RAPGEF1: variants seen among roughly 807,000 people sequenced by gnomAD.
RAPGEF1 encodes CRK SH3-binding GNRP.
RAPGEF1 carries 33 observed loss-of-function variants against 143.3 expected under a neutral mutation model. The ratio of observed to expected loss-of-function variants is 0.23; its 90% CI spans 0.17 to 0.31. The LOEUF is 0.31. RAPGEF1 is among the 10% of genes least tolerant of loss of function. The pLI, the probability that RAPGEF1 is intolerant of heterozygous loss-of-function variation, is 1.00. For synonymous variants in RAPGEF1, 629 were observed against 676.5 expected (o/e 0.93, Z 1.09); for missense variants, 1,199 against 1,645.4 (o/e 0.73, Z 4.69).
At chr9:131,611,776 G>A (rs1274237354) in intron 12 of RAPGEF1, among the ~76,000 whole-genome samples, 5 of 152,112 alleles carry the variant, frequency 3.3e-5, no homozygotes, top group Non-Finnish European at 5.9e-5. Flanking sequence ...GAACATGAAG[G>A]AGAAATACAC....
At chr9:131,631,783 A>G (rs73660028) in intron 5 of RAPGEF1, among the ~76,000 whole-genome samples, 7,539 of 152,324 alleles carry the variant, frequency 0.049, 539 homozygotes, top group African/African-American at 0.16. Context: ...AAAAAACTAG[A>G]AGGTGAACAC....
At chr9:131,625,817 A>C in intron 10 of RAPGEF1, 105 bp downstream of exon 10, 1 of 1,431,688 alleles carries the variant, frequency 7.0e-7, no homozygotes, top group Non-Finnish European at 9.4e-7. Context: ...TCTTTTATGA[A>C]ATAATGAGGC....
At chr9:131,625,683 T>C (rs912855214) in intron 10 of RAPGEF1, among the ~76,000 whole-genome samples, 1 of 152,202 alleles carries the variant, frequency 6.6e-6, no homozygotes, top group Admixed American at 6.5e-5. Flanking sequence ...TCAGGCTACA[T>C]GGAGACCGGA....
At chr9:131,598,800 G>A (rs538213740) in intron 15 of RAPGEF1, among the ~76,000 whole-genome samples, 19 of 151,464 alleles carry the variant, frequency 1.3e-4, no homozygotes, top group African/African-American at 4.4e-4. Context: ...GGGTTCAGTC[G>A]AGCAGGAGAC....
At chr9:131,610,059 A>C (rs563151333) in intron 12 of RAPGEF1, among the ~76,000 whole-genome samples, 4 of 152,200 alleles carry the variant, frequency 2.6e-5, no homozygotes, top group Admixed American at 6.5e-5. Context: ...GCCAGGTACA[A>C]CTGATTTTTT....
intron 1 of RAPGEF1, among the ~76,000 whole-genome samples, chr9:131,695,560 G>A (rs1052535438): frequency 2.6e-5 from 4 of 152,226 alleles, no homozygotes; most frequent in African/African-American, 7.2e-5. Context: ...CATCAGGAGC[G>A]AGTTGGATCA....
At chr9:131,587,275 C>T (rs1293528456) in intron 22 of RAPGEF1, among the ~76,000 whole-genome samples, 1 of 137,540 alleles carries the variant, frequency 7.3e-6, no homozygotes, top group Non-Finnish European at 1.6e-5. Context: ...CAAACACACA[C>T]ACACACCTGC....
chr9:131,674,488 G>A (rs1195089710), intron 1 of RAPGEF1, among the ~76,000 whole-genome samples: 3 of 152,076 alleles, frequency 2.0e-5, no homozygotes, highest in Non-Finnish European at 1.5e-5. Context: ...TCCCCAAGGC[G>A]TGAGAAGCCA....
rs1055367249 is a variant in RAPGEF1 at position 131,587,998 on chromosome 9, G to A, written c.3082C>T (p.His1028Tyr). 3.7e-6 allele frequency: 6 copies of A among 1,613,092 alleles called. No individual in the cohort carries two copies. In the African/African-American group the frequency reaches 6.7e-5, roughly 18 times the overall value. ...RPGTLHDFHSHEIAEQLTLLD... is the reference protein window; with the variant it reads ...RPGTLHDFHSYEIAEQLTLLD... ...AGCGTTAGCTGCTCCGCTATCTCAT[G>A]GCTGTGAAAGTCGTGCAAGGTCCCC... The change falls in exon 21 of 27, where the codon CAT becomes TAT. Residue 1028 changes from histidine (H) to tyrosine (Y), a missense_variant. Around this residue, in one of 6 missense-constraint regions of RAPGEF1, gnomAD observed 209 missense variants for 403.0 expected, o/e 0.52. Transcript: ENST00000683357.
intron 1 of RAPGEF1, among the ~76,000 whole-genome samples, chr9:131,733,533 A>G (rs1255092105): frequency 6.6e-6 from 1 of 152,188 alleles, no homozygotes; most frequent in East Asian, 1.9e-4. Context: ...TCTCAAACAG[A>G]TGACCAGAAA....
rs777579169 is a variant in RAPGEF1, at chr9:131,621,935, G to A, written c.1766C>T (p.Thr589Met). Residue 589 changes from threonine to methionine, a missense_variant, in exon 11 of 27, where the codon ACG becomes ATG. Coordinates refer to ENST00000683357, the MANE Select transcript of RAPGEF1 (RefSeq NM_001377935.1). The surrounding 1 kb of genome is among the most constrained non-coding windows in gnomAD (Gnocchi z 4.5). The stretch of plus-strand genomic sequence containing the variant: ...CTGGTAGATGTGCTCGTTCTGTGGC[G>A]TCTGGTAGAACATAGAGGGCTGCGG... ...SEPQPSMFYQ[T>M]PQNEHIYQQK... is the part of the protein sequence containing the mutation. 11 of 1,613,696 alleles carry A rather than the reference G, an allele frequency of 6.8e-6. No homozygotes were observed. Among genetic ancestry groups the A allele is most frequent in the East Asian group, 2.2e-5 (1 of 44,890 alleles).
chr9:131,631,869 G>A (rs1964963328), intron 5 of RAPGEF1, among the ~76,000 whole-genome samples: 1 of 152,348 alleles, frequency 6.6e-6, no homozygotes, highest in East Asian at 1.9e-4. Context: ...ACCTTGGATG[G>A]TAATAAAATA....
chr9:131,585,955 G>A (rs912003587), intron 22 of RAPGEF1, among the ~76,000 whole-genome samples: 8 of 152,118 alleles, frequency 5.3e-5, no homozygotes, highest in Admixed American at 2.0e-4. Flanking sequence ...TGAGGTGGGT[G>A]GATCACGAGG....
Position 131,621,813 on chromosome 9 carries a change from G to A in RAPGEF1, c.1888C>T (p.Pro630Ser), listed in dbSNP as rs368994640. ...QELAPPPALPPKQRQLASCAA... is the reference protein window; with the variant it reads ...QELAPPPALPSKQRQLASCAA... ...TCACTCACCAGCTGCCGCTGCTTGG[G>A]GGGTAGGGCGGGCGGCGGGGCCAGC... The change falls in exon 11 of 27, where the codon CCC (proline) becomes TCC (serine). Residue 630 changes from proline to serine, a missense_variant. Pro to Ser is a moderately conservative substitution (Grantham distance 74). This residue lies in a region of RAPGEF1 where 293 missense variants were observed against 356.2 expected (regional missense o/e 0.82). Coordinates refer to ENST00000683357, the MANE Select transcript of RAPGEF1 (RefSeq NM_001377935.1). The surrounding 1 kb of genome is among the most constrained non-coding windows in gnomAD (Gnocchi z 4.5). The A allele has an allele frequency of 6.2e-7, 1 of 1,607,722 alleles. No individual in the cohort carries two copies. Among genetic ancestry groups the A allele is most frequent in the Non-Finnish European group, 8.5e-7 (1 of 1,177,388 alleles).
Position 131,628,774 on chromosome 9 carries a change from C to A in RAPGEF1, c.894-102G>T, listed in dbSNP as rs1964030387. The A allele has an allele frequency of 2.1e-6, 3 of 1,430,200 alleles. No homozygotes were observed. The highest frequency in any genetic ancestry group is 2.8e-6 in the Non-Finnish European group (3 of 1,063,580). The allele number at this position is 1,430,200 out of a possible 1,614,324, so 88.6% of individuals were successfully genotyped here. A position where few individuals can be genotyped will look rare whatever the true frequency, so the allele number is the denominator to read the frequency against. ...TGTGGGGTTCTTTCATTACTAGACT[C>A]TCCACACCCAATGTTCACACTTCAA... On this transcript the variant is annotated intron_variant, in intron 7 of 26. Coordinates refer to ENST00000683357, the MANE Select transcript of RAPGEF1 (RefSeq NM_001377935.1). The surrounding 1 kb of genome is among the most constrained non-coding windows in gnomAD (Gnocchi z 5.7).
In RAPGEF1 at chr9:131,621,697, C is replaced by T; in HGVS notation, c.1905+99G>A. The T allele has an allele frequency of 7.9e-7, 1 of 1,259,460 alleles. No homozygotes were observed. Among genetic ancestry groups the T allele is most frequent in the Non-Finnish European group, 1.1e-6 (1 of 905,682 alleles). 78.0% of individuals were successfully genotyped at this position (1,259,460 alleles called of 1,614,324 possible). ...GCCCAAAACCAGGGCCCTGCCACAG[C>T]AGGGAGGAGGGTTAACCCTGCCCCC... On this transcript the variant is annotated intron_variant, in intron 11 of 26. Coordinates refer to ENST00000683357, the MANE Select transcript of RAPGEF1 (RefSeq NM_001377935.1). The surrounding 1 kb of genome is among the most constrained non-coding windows in gnomAD (Gnocchi z 4.5).
At chr9:131,695,321 G>A (rs1192709954) in intron 1 of RAPGEF1, among the ~76,000 whole-genome samples, 4 of 152,130 alleles carry the variant, frequency 2.6e-5, no homozygotes, top group Non-Finnish European at 4.4e-5. Flanking sequence ...TCAAATTCCT[G>A]AGGCAGAACC....
intron 17 of RAPGEF1, among the ~76,000 whole-genome samples, chr9:131,593,080 G>A (rs1030335852): frequency 5.3e-5 from 8 of 152,212 alleles, no homozygotes; most frequent in Non-Finnish European, 7.3e-5. Context: ...AGAAAAATCC[G>A]GGGAAATTCC....
intron 12 of RAPGEF1, among the ~76,000 whole-genome samples, chr9:131,612,910 T>C (rs1958258608): frequency 6.6e-6 from 1 of 152,154 alleles, no homozygotes; most frequent in Non-Finnish European, 1.5e-5. Context: ...AATGGATTCT[T>C]GGCCAGAGCC....
Sources: allele counts gnomAD v4.1 joint callset (sites outside exome capture counted in the v4.1 genomes callset), GRCh38; gene constraint gnomAD v4.1.1; regional missense constraint gnomAD v4.1.1; non-coding constraint Gnocchi (gnomAD v3.1); transcripts MANE v1.5; gene names NCBI Gene and HGNC (gene_info 2026-07-23, HGNC 2026-07-21).